Variants in USH2A observed in about 807,000 individuals in gnomAD.
USH2A encodes the protein Usher syndrome 2A (autosomal recessive, mild).
Under a neutral mutation model 538.9 loss-of-function variants are expected in USH2A, and 443 were observed. The observed-to-expected ratio is 0.82, with a 90% CI of 0.76 to 0.89. USH2A has a LOEUF of 0.89. USH2A is among the 40% of genes least tolerant of loss of function. The pLI is 0.00. For synonymous variants in USH2A, 2,413 were observed against 2,273.5 expected, an observed-to-expected ratio of 1.06 and a Z score of -1.75; for missense variants, 6,633 against 6,324.8, an observed-to-expected ratio of 1.05 and a Z score of -1.65.
chr1:216,029,992 T>C (rs113514296), intron 32 of USH2A, among the ~76,000 whole-genome samples: 430 of 116,348 alleles, frequency 3.7e-3, no homozygotes, highest in African/African-American at 0.011. Flanking sequence ...AGATATATCA[T>C]AGATATATAA....
chr1:216,188,613 A>G (rs974939617), intron 20 of USH2A, among the ~76,000 whole-genome samples: 14 of 151,926 alleles, frequency 9.2e-5, no homozygotes, highest in South Asian at 2.1e-4. Context: ...TTTTTGACCA[A>G]TCTAAGAAAT....
chr1:215,946,229 T>C lies in USH2A; in HGVS notation c.7121-11434A>G, dbSNP rs1264664696. Among the ~76,000 whole-genome samples, 7 of 151,998 alleles carry C rather than the reference T, an allele frequency of 4.6e-5. No individual in the cohort carries two copies. In the East Asian group the frequency reaches 1.4e-3, roughly 29 times the overall value. ...TAGATGTTTATTGTGCTTATTTACA[T>C]GAGACAGTTGAGAAGCTAGAACAAA... On this transcript the variant is annotated intron_variant, in intron 37 of 71. Transcript: ENST00000307340.
In USH2A at chr1:215,673,509, T is replaced by C. The variant is rs376683183; in HGVS notation, c.13811+591A>G. ...TTGTGTGGAGAACAACGCACTTCCA[T>C]GCATGTCACAGAGCCCAGATGGGAC... On this transcript the variant is annotated intron_variant, in intron 63 of 71. Transcript: ENST00000307340. Among the ~76,000 whole-genome samples the C allele has an allele frequency of 2.0e-5, 3 of 152,206 alleles. No individual in the cohort carries two copies. In the East Asian group the frequency reaches 5.8e-4, roughly 29 times the overall value.
chr1:216,400,404 G>GA (rs200147938), intron 3 of USH2A, among the ~76,000 whole-genome samples: 3,400 of 141,112 alleles, frequency 0.024, 110 homozygotes, highest in African/African-American at 0.07. Flanking sequence ...AGATTAAAAG[G>GA]AAAAAAAAAA....
intron 38 of USH2A, among the ~76,000 whole-genome samples, chr1:215,930,143 T>C (rs779044489): frequency 6.6e-6 from 1 of 152,038 alleles, no homozygotes; most frequent in Non-Finnish European, 1.5e-5. Flanking sequence ...CAGAGGAAAA[T>C]TGGATTAGGT....
chr1:215,796,406 A>G (rs561170095), intron 50 of USH2A, among the ~76,000 whole-genome samples: 10 of 151,556 alleles, frequency 6.6e-5, no homozygotes, highest in African/African-American at 2.4e-4. Context: ...CATTATTATT[A>G]TATTTGTTAT....
chr1:215,985,962 A>G lies in USH2A; in HGVS notation c.6805+7058T>C, dbSNP rs532095193. Among the ~76,000 whole-genome samples, 4 of 152,312 alleles carry G rather than the reference A, an allele frequency of 2.6e-5. No homozygotes were observed. The South Asian group carries it at 8.3e-4, about 32-fold the overall frequency. On this transcript the variant is annotated intron_variant, in intron 35 of 71. Coordinates refer to ENST00000307340, the MANE Select transcript of USH2A (RefSeq NM_206933.4). Reference sequence around the variant, plus strand: ...TTCTATTATTTTTGACATGATTGCCACCATTTTGACATATGTTCACATATA... The same window carrying G: ...TTCTATTATTTTTGACATGATTGCCGCCATTTTGACATATGTTCACATATA...
At chr1:216,175,019 G>A in intron 21 of USH2A, 5 of 1,362,374 alleles carry the variant, frequency 3.7e-6, no homozygotes, top group Non-Finnish European at 4.7e-6. Context: ...ATCCAATAAG[G>A]CTGCTTCTTC....
At chr1:215,843,052 C>T (rs1179598202) in intron 46 of USH2A, among the ~76,000 whole-genome samples, 2 of 151,760 alleles carry the variant, frequency 1.3e-5, no homozygotes, top group African/African-American at 2.4e-5. Flanking sequence ...ATTTGGTTTT[C>T]TTAGGAAGCT....
chr1:215,743,543 T>C (rs1467576197), intron 58 of USH2A, among the ~76,000 whole-genome samples: 1 of 150,862 alleles, frequency 6.6e-6, no homozygotes, highest in Non-Finnish European at 1.5e-5. Context: ...AATTTTGTAA[T>C]TGAGGCCGGG....
At chr1:216,289,640 A>G (rs2036962330) in intron 10 of USH2A, among the ~76,000 whole-genome samples, 1 of 152,180 alleles carries the variant, frequency 6.6e-6, no homozygotes, top group Non-Finnish European at 1.5e-5. Context: ...ATATAATACC[A>G]CACTTCTAAA....
intron 21 of USH2A, among the ~76,000 whole-genome samples, chr1:216,114,356 T>C (rs1439201148): frequency 6.6e-6 from 1 of 152,090 alleles, no homozygotes; most frequent in Non-Finnish European, 1.5e-5. Flanking sequence ...TCATTACACA[T>C]GGGTTATATC....
intron 11 of USH2A, among the ~76,000 whole-genome samples, chr1:216,258,687 C>T (rs1309571561): frequency 1.3e-5 from 2 of 152,078 alleles, no homozygotes; most frequent in African/African-American, 2.4e-5. Flanking sequence ...AATTTATTTC[C>T]TATTTCTCAG....
At position 216,152,134 on chromosome 1, in the gene USH2A, C is replaced by A. The variant is rs369137867; in HGVS notation, c.4627+23118G>T. Among the ~76,000 whole-genome samples, 13 of 152,182 alleles carry A rather than the reference C, an allele frequency of 8.5e-5. 1 individual carries two copies. The highest frequency in any genetic ancestry group is 3.3e-4 in the Admixed American group (5 of 15,292). ...CATCGTCCATTCTCTCTCCATACCA[C>A]CCCCCAAAAATTTTCGCCGCCCCAA... On this transcript the variant is annotated intron_variant, in intron 21 of 71. Transcript: ENST00000307340.
At chr1:216,228,117 G>A (rs1427690699) in intron 14 of USH2A, among the ~76,000 whole-genome samples, 1 of 152,150 alleles carries the variant, frequency 6.6e-6, no homozygotes, top group African/African-American at 2.4e-5. Context: ...GGCTTCCAGG[G>A]TGAATTGGAA....
At chr1:215,990,484 C>T (rs916041746) in intron 35 of USH2A, among the ~76,000 whole-genome samples, 10 of 151,990 alleles carry the variant, frequency 6.6e-5, no homozygotes, top group African/African-American at 1.9e-4. Flanking sequence ...TTAGGCTCTG[C>T]GGAGTGAAAG....
At chr1:216,271,353 C>T (rs951252110) in intron 11 of USH2A, among the ~76,000 whole-genome samples, 5 of 152,068 alleles carry the variant, frequency 3.3e-5, no homozygotes, top group African/African-American at 7.2e-5. Context: ...GAATATAAAG[C>T]GGTTTTTCAT....
At chr1:216,035,110 A>G (rs1016789704) in intron 32 of USH2A, among the ~76,000 whole-genome samples, 1 of 152,182 alleles carries the variant, frequency 6.6e-6, no homozygotes. Context: ...AATATGTTTT[A>G]GGTATTTCAG....
At chr1:216,197,318 C>T (rs2034873184) in intron 18 of USH2A, among the ~76,000 whole-genome samples, 1 of 152,150 alleles carries the variant, frequency 6.6e-6, no homozygotes, top group Non-Finnish European at 1.5e-5. Context: ...TTTAAATGTG[C>T]TAACCAAAGG....
Sources: allele counts gnomAD v4.1 joint callset (sites outside exome capture counted in the v4.1 genomes callset), GRCh38; gene constraint gnomAD v4.1.1; transcripts MANE v1.5; gene names NCBI Gene and HGNC (gene_info 2026-07-23, HGNC 2026-07-21).